Variants in PCDH15 observed in about 807,000 individuals in gnomAD.
PCDH15 encodes protocadherin related 15.
PCDH15 carries 129 observed loss-of-function variants against 178.5 expected under a neutral mutation model. That is an observed-to-expected ratio of 0.72 (90% CI 0.63 to 0.84). The LOEUF is 0.84. PCDH15 is among the 40% of genes least tolerant of loss of function. The pLI is 0.00. For synonymous variants in PCDH15, 800 were observed against 732.0 expected, an observed-to-expected ratio of 1.09 and a Z score of -1.50; for missense variants, 2,230 against 2,099.9, an observed-to-expected ratio of 1.06 and a Z score of -1.21.
intron 2 of PCDH15, among the ~76,000 whole-genome samples, chr10:55,132,863 ACTGT>A (rs1838091199): frequency 1.3e-5 from 2 of 152,194 alleles, no homozygotes; most frequent in South Asian, 4.1e-4. Context: ...GAGAGTTAAC[ACTGT>A]CTGGCGAGAA....
chr10:53,895,138 G>A (rs1323521806), intron 26 of PCDH15, among the ~76,000 whole-genome samples: 1 of 152,162 alleles, frequency 6.6e-6, no homozygotes, highest in Non-Finnish European at 1.5e-5. Context: ...TATAGGGCTA[G>A]AGACCAGGAG....
At chr10:55,430,227 G>A (rs1365305415) in intron 2 of PCDH15, among the ~76,000 whole-genome samples, 1 of 152,128 alleles carries the variant, frequency 6.6e-6, no homozygotes. Flanking sequence ...GGAGGTTGAG[G>A]CTGCAGTTAG....
chr10:55,495,040 C>A (rs1041974643), intron 2 of PCDH15, among the ~76,000 whole-genome samples: 1 of 151,558 alleles, frequency 6.6e-6, no homozygotes, highest in Non-Finnish European at 1.5e-5. Context: ...CTAGTACAAC[C>A]GGATATGCAC....
intron 1 of PCDH15, among the ~76,000 whole-genome samples, chr10:55,253,626 T>C (rs993673309): frequency 2.6e-5 from 4 of 152,116 alleles, no homozygotes; most frequent in Admixed American, 1.3e-4. Flanking sequence ...TCTTTTTTGT[T>C]CTAGGAGAAT....
At chr10:55,147,350 T>C (rs11004749) in intron 2 of PCDH15, among the ~76,000 whole-genome samples, 29,313 of 151,464 alleles carry the variant, frequency 0.19, 3,340 homozygotes, top group South Asian at 0.37. Flanking sequence ...TGTACCATTG[T>C]ATAATGCAGA....
chr10:54,655,428 G>GGTGTGTGTGTGTGTGTGTGTGTGT (rs371162241), intron 2 of PCDH15: 1 of 141,866 alleles, frequency 7.0e-6, no homozygotes, highest in Non-Finnish European at 1.5e-5. Flanking sequence ...TGTGTGGTGG[G>GGTGTGTGTGTGTGTGTGTGTGTGT]GTGTGTGTGT....
intron 3 of PCDH15, among the ~76,000 whole-genome samples, chr10:54,423,065 G>T (rs1955753734): frequency 6.6e-6 from 1 of 151,900 alleles, no homozygotes; most frequent in African/African-American, 2.4e-5. Context: ...TAAGCCTAAG[G>T]TTACTCCTCA....
At chr10:54,587,989 T>A (rs2091618223) in intron 2 of PCDH15, among the ~76,000 whole-genome samples, 1 of 152,080 alleles carries the variant, frequency 6.6e-6, no homozygotes, top group African/African-American at 2.4e-5. Context: ...AGTAAAAGAG[T>A]TTCTAATATT....
chr10:54,469,007 C>T (rs2077714032), intron 3 of PCDH15, among the ~76,000 whole-genome samples: 1 of 152,092 alleles, frequency 6.6e-6, no homozygotes, highest in South Asian at 2.1e-4. Context: ...CTTTTTCCAT[C>T]CCTTTACATT....
chr10:54,134,600 A>G (rs1357135569), intron 14 of PCDH15, among the ~76,000 whole-genome samples: 2 of 151,650 alleles, frequency 1.3e-5, no homozygotes, highest in Non-Finnish European at 1.5e-5. Flanking sequence ...AAAAATACAA[A>G]AAATTAGCTT....
chr10:54,741,957 A>T (rs906206562), intron 1 of PCDH15, among the ~76,000 whole-genome samples: 5 of 152,048 alleles, frequency 3.3e-5, no homozygotes, highest in Non-Finnish European at 7.4e-5. Context: ...AACAATTGTG[A>T]GGTATAAGAC....
intron 13 of PCDH15, among the ~76,000 whole-genome samples, chr10:54,172,979 C>T (rs750090274): frequency 6.6e-6 from 1 of 152,106 alleles, no homozygotes; most frequent in Non-Finnish European, 1.5e-5. Context: ...AAGGGGATAA[C>T]GTCTGAAAAA....
At position 53,866,870 on chromosome 10, in the gene PCDH15, G is replaced by GA. The variant is rs5785023; in HGVS notation, c.3502-14dup. On this transcript the variant is annotated splice_polypyrimidine_tract_variant and intron_variant, in intron 26 of 37. Coordinates refer to ENST00000644397, the MANE Select transcript of PCDH15 (RefSeq NM_001384140.1). ...CTTTATCAGTAGCCTAGACGGAGGG[G>GA]AAAAAAAAAGAGATTATAATTAAGC... is the stretch of plus-strand genomic sequence containing the variant. 0.19 allele frequency: 283,648 copies of GA among 1,477,920 alleles called. 32,181 individuals are homozygous for GA. The highest frequency in any genetic ancestry group is 0.74 in the East Asian group (29,059 of 39,360). 91.6% of individuals were successfully genotyped at this position (1,477,920 alleles called of 1,614,324 possible).
chr10:55,374,787 T>C (rs915219568), intron 2 of PCDH15, among the ~76,000 whole-genome samples: 4 of 152,018 alleles, frequency 2.6e-5, no homozygotes, highest in Non-Finnish European at 4.4e-5. Flanking sequence ...TTGTGAAAAA[T>C]TGAGTGATGC....
At chr10:54,351,007 G>A (rs1044053455) in intron 5 of PCDH15, among the ~76,000 whole-genome samples, 9 of 152,070 alleles carry the variant, frequency 5.9e-5, no homozygotes, top group African/African-American at 1.7e-4. Context: ...AGGAGGCTGA[G>A]GCAGGAGAAT....
At chr10:55,495,512 T>C (rs1840512378) in intron 2 of PCDH15, among the ~76,000 whole-genome samples, 1 of 151,670 alleles carries the variant, frequency 6.6e-6, no homozygotes, top group Admixed American at 6.6e-5. Flanking sequence ...CAAAGATTAA[T>C]GAATAGGGAA....
At chr10:54,853,944 G>A (rs528234063) in intron 3 of PCDH15, among the ~76,000 whole-genome samples, 77 of 152,270 alleles carry the variant, frequency 5.1e-4, no homozygotes, top group African/African-American at 1.4e-3. Context: ...GCTCAGGCCC[G>A]CTGGGTTCGT....
At chr10:54,143,492 T>G (rs1018903877) in intron 14 of PCDH15, among the ~76,000 whole-genome samples, 1 of 152,174 alleles carries the variant, frequency 6.6e-6, no homozygotes, top group Non-Finnish European at 1.5e-5. Context: ...TGCAGGTTAC[T>G]GATAACTTTG....
chr10:54,664,188 C>G lies in PCDH15; in HGVS notation c.75G>C (p.Leu25Phe), dbSNP rs772829621. The G allele has an allele frequency of 5.6e-6, 9 of 1,612,034 alleles. No homozygotes were observed. In the East Asian group the frequency reaches 2.0e-4, roughly 36 times the overall value. ...IILGSLFEIC[L>F]GQYDDDCKLA... ...CAACCTTACCATCATCATACTGGCC[C>G]AAGCAGATTTCAAAGAGAGAGCCCA... is the stretch of plus-strand genomic sequence containing the variant. The change falls in exon 2 of 38, where the codon TTG becomes TTC. Residue 25 changes from leucine (L) to phenylalanine (F), a missense_variant. Leu to Phe is a conservative substitution (Grantham distance 22, BLOSUM62 0). Transcript: ENST00000644397.
Sources: allele counts gnomAD v4.1 joint callset (sites outside exome capture counted in the v4.1 genomes callset), GRCh38; gene constraint gnomAD v4.1.1; transcripts MANE v1.5; gene names NCBI Gene and HGNC (gene_info 2026-07-23, HGNC 2026-07-21).